The following CAMTA1 variants were observed in gnomAD, a reference collection of about 807,000 sequenced individuals.
CAMTA1 encodes calmodulin-binding transcription activator 1.
A neutral mutation model predicts 170.9 loss-of-function variants in CAMTA1; 27 were observed. That is an observed-to-expected ratio of 0.16 (90% CI 0.12 to 0.22). CAMTA1 has a LOEUF of 0.22. Ranked by LOEUF, CAMTA1 falls within the 10% of genes least tolerant of loss-of-function variation. The pLI is 1.00. For missense variants in CAMTA1, 1,619 were observed against 2,217.2 expected (o/e 0.73, Z 5.42); for synonymous variants, 833 against 891.5 (o/e 0.93, Z 1.17).
chr1:6,846,330 T>C (rs1343196293), intron 3 of CAMTA1, among the ~76,000 whole-genome samples: 1 of 152,254 alleles, frequency 6.6e-6, no homozygotes, highest in Non-Finnish European at 1.5e-5. Flanking sequence ...CATCTCAAAC[T>C]ATTGGAAAAT....
intron 3 of CAMTA1, among the ~76,000 whole-genome samples, chr1:7,078,395 G>A (rs966423063): frequency 2.6e-5 from 4 of 152,196 alleles, no homozygotes; most frequent in Non-Finnish European, 4.4e-5. Context: ...TGTTAAGGAA[G>A]GCAGAATCGG....
chr1:6,874,681 T>G (rs1369763670), intron 3 of CAMTA1, among the ~76,000 whole-genome samples: 1 of 152,124 alleles, frequency 6.6e-6, no homozygotes, highest in Non-Finnish European at 1.5e-5. Flanking sequence ...TAAATCTGGG[T>G]TTTTAATCTC....
At chr1:7,269,727 T>G (rs1298588048) in intron 5 of CAMTA1, among the ~76,000 whole-genome samples, 1 of 152,128 alleles carries the variant, frequency 6.6e-6, no homozygotes, top group African/African-American at 2.4e-5. Flanking sequence ...ATCAGAGAAC[T>G]AGAGAGCAAC....
chr1:7,417,974 C>T (rs2091304417), intron 5 of CAMTA1, among the ~76,000 whole-genome samples: 1 of 152,056 alleles, frequency 6.6e-6, no homozygotes, highest in Non-Finnish European at 1.5e-5. Flanking sequence ...AGACCCAGGC[C>T]CTTCCTCCTG....
At chr1:7,311,300 A>T (rs2213778) in intron 5 of CAMTA1, among the ~76,000 whole-genome samples, 34,750 of 152,034 alleles carry the variant, frequency 0.23, 4,121 homozygotes, top group Middle Eastern at 0.37. Context: ...CTCATTTTTT[A>T]AAATCTTTTT....
intron 5 of CAMTA1, among the ~76,000 whole-genome samples, chr1:7,392,895 A>G (rs937426800): frequency 6.6e-6 from 1 of 151,026 alleles, no homozygotes; most frequent in Admixed American, 6.6e-5. Flanking sequence ...CAATCAATCA[A>G]TCTATAAGCT....
rs776449711 is a variant in CAMTA1 at position 7,195,158 on chromosome 1, C to A, written c.303-54333C>A. Among the ~76,000 whole-genome samples the A allele has an allele frequency of 8.5e-5, 13 of 152,176 alleles. No individual in the cohort carries two copies. Among genetic ancestry groups the A allele is most frequent in the Non-Finnish European group, 1.6e-4 (11 of 68,028 alleles). ...CCCAGCAGCAGGCGAGGTTTTCTGT[C>A]GTCCAGCACGTGCAAGAGAAGGGCT... On this transcript the variant is annotated intron_variant, in intron 4 of 22. Coordinates refer to ENST00000303635, the MANE Select transcript of CAMTA1 (RefSeq NM_015215.4). This position sits in a 1 kb window ranked among gnomAD's most constrained non-coding sequence, Gnocchi z 4.1.
At chr1:6,860,439 A>G (rs1326083655) in intron 3 of CAMTA1, among the ~76,000 whole-genome samples, 2 of 152,184 alleles carry the variant, frequency 1.3e-5, no homozygotes, top group Admixed American at 1.3e-4. Context: ...TGTTGCCATT[A>G]CCATGTGCTA....
At chr1:7,678,949 TC>T (rs2096154447) in intron 11 of CAMTA1, among the ~76,000 whole-genome samples, 1 of 152,204 alleles carries the variant, frequency 6.6e-6, no homozygotes, top group Middle Eastern at 3.2e-3. Context: ...CTCAGCCTTA[TC>T]CCAGTCCCTG....
chr1:7,139,293 T>G (rs924666200), intron 4 of CAMTA1, among the ~76,000 whole-genome samples: 1 of 92,672 alleles, frequency 1.1e-5, no homozygotes, highest in Admixed American at 1.2e-4. Flanking sequence ...ATATTTATAT[T>G]TATAAAATTA....
intron 5 of CAMTA1, among the ~76,000 whole-genome samples, chr1:7,338,173 C>T (rs1264177135): frequency 1.3e-5 from 2 of 152,038 alleles, no homozygotes; most frequent in Non-Finnish European, 2.9e-5. Context: ...CTCTTGACAC[C>T]TCAGTCTCCC....
At chr1:7,174,058 G>A (rs1448783720) in intron 4 of CAMTA1, among the ~76,000 whole-genome samples, 4 of 151,992 alleles carry the variant, frequency 2.6e-5, no homozygotes, top group African/African-American at 4.8e-5. Flanking sequence ...CAGTCCACAC[G>A]AGAGCCCCTC....
chr1:7,379,225 T>G (rs998800284), intron 5 of CAMTA1, among the ~76,000 whole-genome samples: 3 of 152,248 alleles, frequency 2.0e-5, no homozygotes, highest in African/African-American at 7.2e-5. Context: ...AATGCTGCTT[T>G]CTTTATACCC....
intron 6 of CAMTA1, among the ~76,000 whole-genome samples, chr1:7,529,498 A>C (rs2094467749): frequency 6.6e-6 from 1 of 152,130 alleles, no homozygotes; most frequent in Non-Finnish European, 1.5e-5. Context: ...ACAGACAAGG[A>C]ACTTGAGGCA....
In CAMTA1 at chr1:7,215,705, G is replaced by A. The variant is rs575351854; in HGVS notation, c.303-33786G>A. ...CACCGTGCCTTACCTGGTATGTAGTGTTTTCATGATCACATGTACATTTTT... is the reference window on the plus strand; with the variant it reads ...CACCGTGCCTTACCTGGTATGTAGTATTTTCATGATCACATGTACATTTTT... On this transcript the variant is annotated intron_variant, in intron 4 of 22. Transcript: ENST00000303635. 5.9e-5 allele frequency among the ~76,000 whole-genome samples: 9 copies of A among 152,238 alleles called. No homozygotes were observed. The South Asian group carries it at 1.2e-3, about 21-fold the overall frequency.
At chr1:7,023,364 C>T (rs1264182141) in intron 3 of CAMTA1, among the ~76,000 whole-genome samples, 2 of 152,206 alleles carry the variant, frequency 1.3e-5, no homozygotes, top group Admixed American at 6.5e-5. Flanking sequence ...AGGGGAAAAA[C>T]TGGGGGACTC....
intron 6 of CAMTA1, among the ~76,000 whole-genome samples, chr1:7,498,254 GTGTA>G (rs769705414): frequency 1.5e-4 from 16 of 107,542 alleles, no homozygotes; most frequent in South Asian, 2.7e-4. Flanking sequence ...GTGTGGGAGA[GTGTA>G]TGAGAGAGCG....
At chr1:7,162,592 T>C (rs1042062557) in intron 4 of CAMTA1, among the ~76,000 whole-genome samples, 1 of 152,216 alleles carries the variant, frequency 6.6e-6, no homozygotes, top group Non-Finnish European at 1.5e-5. Flanking sequence ...TTTAAACTTA[T>C]GGTAATGTTT....
intron 5 of CAMTA1, among the ~76,000 whole-genome samples, chr1:7,291,375 G>A (rs767117387): frequency 3.3e-5 from 5 of 152,164 alleles, no homozygotes; most frequent in Admixed American, 6.5e-5. Flanking sequence ...GAGTAGTTAC[G>A]TGAAAACAGT....
Sources: gnomAD v4.1 joint callset for allele counts (sites outside exome capture counted in the v4.1 genomes callset) on GRCh38, gnomAD v4.1.1 for gene constraint, Gnocchi (gnomAD v3.1) non-coding constraint, MANE v1.5 for transcripts, NCBI Gene and HGNC (gene_info 2026-07-23, HGNC 2026-07-21) for gene names.